Variants in WDFY2 observed in about 807,000 individuals in gnomAD.
The protein encoded by WDFY2 is WD repeat and FYVE domain-containing protein 2.
A neutral mutation model predicts 56.4 loss-of-function variants in WDFY2; 36 were observed. The observed-to-expected ratio is 0.64, with a 90% CI of 0.49 to 0.84. The LOEUF is 0.84. Among genes scored for constraint, WDFY2 ranks in the 40% least tolerant of loss-of-function variants. The pLI is 0.00. For synonymous variants in WDFY2, 176 were observed against 183.7 expected (o/e 0.96, Z 0.34); for missense variants, 444 against 512.2 (o/e 0.87, Z 1.29).
chr13:51,689,641 A>G (rs1328967870), intron 3 of WDFY2, among the ~76,000 whole-genome samples: 3 of 152,124 alleles, frequency 2.0e-5, no homozygotes, highest in African/African-American at 7.2e-5. Context: ...TTTAAAATAC[A>G]TGTGGTCAGA....
intron 3 of WDFY2, among the ~76,000 whole-genome samples, chr13:51,683,326 T>TAA: frequency 6.6e-6 from 1 of 152,248 alleles, no homozygotes; most frequent in African/African-American, 2.4e-5. Context: ...TCAGTCCTGT[T>TAA]GGTATCAAAA....
In WDFY2 at chr13:51,715,229, T is replaced by G. The variant is rs557340721; in HGVS notation, c.335-3969T>G. On this transcript the variant is annotated intron_variant, in intron 4 of 11. Transcript: ENST00000298125. ...AATAATAAACCTAGTGTACTCTATT[T>G]TTACTTTATAAACTTTTTAATTTTT... Among the ~76,000 whole-genome samples the G allele has an allele frequency of 3.9e-5, 6 of 152,342 alleles. No homozygotes were observed. The East Asian group carries it at 1.2e-3, about 29-fold the overall frequency.
At chr13:51,638,543 G>T (rs1359870348) in intron 1 of WDFY2, among the ~76,000 whole-genome samples, 7 of 152,194 alleles carry the variant, frequency 4.6e-5, no homozygotes, top group African/African-American at 1.7e-4. Flanking sequence ...GAGCTTCCGT[G>T]CAGTGTAGTC....
chr13:51,731,023 G>A (rs972978241), intron 6 of WDFY2, among the ~76,000 whole-genome samples: 1 of 152,212 alleles, frequency 6.6e-6, no homozygotes, highest in African/African-American at 2.4e-5. Context: ...AAGGTTGTCT[G>A]GCAGTAGAGA....
chr13:51,674,713 C>A (rs966380993), intron 2 of WDFY2, among the ~76,000 whole-genome samples: 1 of 152,086 alleles, frequency 6.6e-6, no homozygotes, highest in African/African-American at 2.4e-5. Context: ...TTCTAGACTC[C>A]TGTGTGTATG....
chr13:51,646,723 A>G (rs1439214224), intron 1 of WDFY2, among the ~76,000 whole-genome samples: 1 of 152,238 alleles, frequency 6.6e-6, no homozygotes, highest in Admixed American at 6.5e-5. Flanking sequence ...TAGTCTTGGA[A>G]AATCCAAGTT....
At chr13:51,738,115 A>G (rs918688639) in intron 6 of WDFY2, among the ~76,000 whole-genome samples, 2 of 152,250 alleles carry the variant, frequency 1.3e-5, no homozygotes, top group Non-Finnish European at 2.9e-5. Context: ...GAAAAATGTC[A>G]GATTCCAACA....
intron 5 of WDFY2, among the ~76,000 whole-genome samples, chr13:51,723,483 G>A (rs545374829): frequency 1.3e-5 from 2 of 151,858 alleles, no homozygotes; most frequent in South Asian, 2.1e-4. Flanking sequence ...TAATGCCACC[G>A]CCTTGTTGAA....
At chr13:51,629,287 G>A (rs1025549743) in intron 1 of WDFY2, among the ~76,000 whole-genome samples, 7 of 152,212 alleles carry the variant, frequency 4.6e-5, no homozygotes, top group African/African-American at 1.7e-4. Flanking sequence ...ATTTAGGAAT[G>A]CAGATGGTTA....
At chr13:51,740,383 C>T (rs1330114105) in intron 7 of WDFY2, among the ~76,000 whole-genome samples, 1 of 152,172 alleles carries the variant, frequency 6.6e-6, no homozygotes, top group East Asian at 1.9e-4. Flanking sequence ...CATCCAGGTC[C>T]TGTAGAAGGA....
At chr13:51,705,577 T>C (rs1462699192) in intron 4 of WDFY2, among the ~76,000 whole-genome samples, 3 of 152,024 alleles carry the variant, frequency 2.0e-5, no homozygotes, top group African/African-American at 7.2e-5. Context: ...CTTTGTTTTT[T>C]TTTTTAATTT....
At chr13:51,728,039 A>G (rs1318762242) in intron 6 of WDFY2, among the ~76,000 whole-genome samples, 1 of 152,204 alleles carries the variant, frequency 6.6e-6, no homozygotes, top group Non-Finnish European at 1.5e-5. Context: ...TCTCTGTCAT[A>G]CTGCACCAGA....
At chr13:51,662,686 C>T (rs1367656672) in intron 2 of WDFY2, among the ~76,000 whole-genome samples, 1 of 152,134 alleles carries the variant, frequency 6.6e-6, no homozygotes, top group South Asian at 2.1e-4. Flanking sequence ...GACTTAAGCT[C>T]ACTATAGCTC....
rs145838378 is a variant in WDFY2 at position 51,636,637 on chromosome 13, G to A, written c.138-23959G>A. Among the ~76,000 whole-genome samples, 424 of 152,260 alleles carry A rather than the reference G, an allele frequency of 2.8e-3. 6 individuals are homozygous for A. Among genetic ancestry groups the A allele is most frequent in the African/African-American group, 9.8e-3 (407 of 41,530 alleles). ...GCAGGGGAAAGAAAACAAGGCAAAC[G>A]TTCAAGAGGTCTGGGATATTCCAGG... On this transcript the variant is annotated intron_variant, in intron 1 of 11. Coordinates refer to ENST00000298125, the MANE Select transcript of WDFY2 (RefSeq NM_052950.4).
At chr13:51,640,465 TTACTC>T (rs1485778677) in intron 1 of WDFY2, among the ~76,000 whole-genome samples, 1 of 152,224 alleles carries the variant, frequency 6.6e-6, no homozygotes, top group African/African-American at 2.4e-5. Context: ...AAATTTTAGA[TTACTC>T]TATCATTTTA....
intron 3 of WDFY2, among the ~76,000 whole-genome samples, chr13:51,693,459 G>A (rs1951791074): frequency 6.6e-6 from 1 of 152,012 alleles, no homozygotes; most frequent in Non-Finnish European, 1.5e-5. Context: ...TCATTCAGGA[G>A]CAGGTTGTTC....
At chr13:51,685,980 A>G (rs1215310644) in intron 3 of WDFY2, among the ~76,000 whole-genome samples, 1 of 152,124 alleles carries the variant, frequency 6.6e-6, no homozygotes, top group Non-Finnish European at 1.5e-5. Flanking sequence ...TCATTCTCAT[A>G]ATCTAGTCAT....
chr13:51,675,837 G>A (rs556186576), intron 3 of WDFY2, among the ~76,000 whole-genome samples: 1 of 152,336 alleles, frequency 6.6e-6, no homozygotes, highest in South Asian at 2.1e-4. Flanking sequence ...GGGAACTGAA[G>A]TGATTAAAGA....
At chr13:51,690,645 G>A (rs575192477) in intron 3 of WDFY2, among the ~76,000 whole-genome samples, 10 of 151,958 alleles carry the variant, frequency 6.6e-5, no homozygotes, top group South Asian at 6.2e-4. Context: ...GAATAATGCC[G>A]CAATAAACAT....
Sources: gnomAD v4.1 joint callset for allele counts (sites outside exome capture counted in the v4.1 genomes callset) on GRCh38, gnomAD v4.1.1 for gene constraint, MANE v1.5 for transcripts, NCBI Gene and HGNC (gene_info 2026-07-23, HGNC 2026-07-21) for gene names.